Variants in BCR observed in about 807,000 individuals in gnomAD.
The protein encoded by BCR is breakpoint cluster region protein.
In BCR, 58 loss-of-function variants were observed where a neutral mutation model predicts 138.6. The observed-to-expected ratio is 0.42, with a 90% CI of 0.34 to 0.52. BCR has a LOEUF of 0.52. Among genes scored for constraint, BCR ranks in the 20% least tolerant of loss-of-function variants. BCR has a pLI of 0.06. For missense variants in BCR, 1,599 were observed against 1,727.2 expected, an observed-to-expected ratio of 0.93 and a Z score of 1.32; for synonymous variants, 786 against 730.1, an observed-to-expected ratio of 1.08 and a Z score of -1.23.
chr22:23,211,410 G>A (rs945080899), intron 1 of BCR, among the ~76,000 whole-genome samples: 1 of 151,994 alleles, frequency 6.6e-6, no homozygotes, highest in Non-Finnish European at 1.5e-5. Flanking sequence ...GTGTTAGCCA[G>A]GATGGTCTCG....
At chr22:23,236,689 G>T (rs1459267089) in intron 1 of BCR, among the ~76,000 whole-genome samples, 1 of 152,244 alleles carries the variant, frequency 6.6e-6, no homozygotes, top group Non-Finnish European at 1.5e-5. Context: ...CCTGACGTTG[G>T]CCTGGGTGTG....
chr22:23,288,409 C>G (rs564772416), intron 12 of BCR, among the ~76,000 whole-genome samples: 52 of 151,978 alleles, frequency 3.4e-4, no homozygotes, highest in African/African-American at 9.4e-4. Context: ...TCCCCACTGC[C>G]CTGTGATCCC....
At chr22:23,292,460 C>A (rs1434683670) in intron 14 of BCR, 81 bp from the exon 15 acceptor site, 3 of 1,008,798 alleles carry the variant, frequency 3.0e-6, no homozygotes, top group South Asian at 1.5e-5. Flanking sequence ...TCTGATTCTG[C>A]AAATAACACC....
At chr22:23,217,174 G>T (rs2072764412) in intron 1 of BCR, 1 of 271,824 alleles carries the variant, frequency 3.7e-6, no homozygotes, top group Admixed American at 5.1e-5. Context: ...GGTAGAGGAG[G>T]TGAGGTTGTG....
chr22:23,273,215 T>C, intron 7 of BCR, 82 bp downstream of exon 7: 1 of 1,455,600 alleles, frequency 6.9e-7, no homozygotes, highest in Non-Finnish European at 9.4e-7. Flanking sequence ...GACCTTTTTT[T>C]AGTTGTCATA....
At chr22:23,220,095 G>A (rs965197501) in intron 1 of BCR, among the ~76,000 whole-genome samples, 1 of 152,194 alleles carries the variant, frequency 6.6e-6, no homozygotes, top group Admixed American at 6.5e-5. Flanking sequence ...GGCTGTGTGG[G>A]CACGGTTCCC....
chr22:23,254,554 A>C, intron 2 of BCR: 1 of 514,930 alleles, frequency 1.9e-6, no homozygotes, highest in Non-Finnish European at 3.9e-6. Context: ...CCCTCCAAGA[A>C]AGCAGTGGAC....
At chr22:23,185,721 G>GTT (rs369455901) in intron 1 of BCR, among the ~76,000 whole-genome samples, 9 of 148,276 alleles carry the variant, frequency 6.1e-5, no homozygotes, top group African/African-American at 2.0e-4. Flanking sequence ...GGTTCTCTCT[G>GTT]TTTTTTTTGT....
At chr22:23,264,438 G>A (rs2073413323) in intron 4 of BCR, 3 of 683,258 alleles carry the variant, frequency 4.4e-6, no homozygotes, top group Admixed American at 2.1e-5. Flanking sequence ...TGCAGTGATA[G>A]TTCCTCCCCA....
At chr22:23,262,758 G>A (rs1209929254) in intron 4 of BCR, 19 of 925,004 alleles carry the variant, frequency 2.1e-5, no homozygotes, top group Non-Finnish European at 2.3e-5. Flanking sequence ...CTGCAGGAAG[G>A]GAGGGTGACG....
chr22:23,233,802 AAG>A (rs1244289032), intron 1 of BCR, among the ~76,000 whole-genome samples: 12 of 96,714 alleles, frequency 1.2e-4, no homozygotes, highest in Admixed American at 2.1e-4. Flanking sequence ...AAAAAAAAAA[AAG>A]AAAAAAAAGA....
intron 1 of BCR, among the ~76,000 whole-genome samples, chr22:23,215,846 G>A (rs1000129740): frequency 3.7e-4 from 56 of 152,192 alleles, no homozygotes; most frequent in African/African-American, 1.3e-3. Context: ...CAGGGGATGG[G>A]CATGTGTACA....
chr22:23,246,681 C>T (rs2073160739), intron 1 of BCR, among the ~76,000 whole-genome samples: 2 of 152,158 alleles, frequency 1.3e-5, no homozygotes, highest in Admixed American at 6.5e-5. Flanking sequence ...AGTTCATGCC[C>T]ACTCAGGTGC....
chr22:23,308,699 C>T (rs2073974827), intron 16 of BCR, among the ~76,000 whole-genome samples: 1 of 152,202 alleles, frequency 6.6e-6, no homozygotes, highest in Non-Finnish European at 1.5e-5. Context: ...AGAACGTGCT[C>T]CCCATAAAAC....
intron 1 of BCR, among the ~76,000 whole-genome samples, chr22:23,232,344 A>G (rs2146244816): frequency 6.6e-6 from 1 of 152,368 alleles, no homozygotes; most frequent in Non-Finnish European, 1.5e-5. Flanking sequence ...GTAACGTGCT[A>G]AGGTCACCCA....
At chr22:23,290,636 T>A in intron 14 of BCR, 1 of 540,834 alleles carries the variant, frequency 1.8e-6, no homozygotes, top group Non-Finnish European at 3.4e-6. Flanking sequence ...CTGTCTCAGA[T>A]CCTGGGAGCT....
At chr22:23,208,416 G>GT (rs11383542) in intron 1 of BCR, among the ~76,000 whole-genome samples, 78,905 of 150,156 alleles carry the variant, frequency 0.53, 20,797 homozygotes, top group East Asian at 0.67. Context: ...TTGATTTTAT[G>GT]TTTTTTTTTT....
At position 23,312,903 on chromosome 22, in the gene BCR, G is replaced by A. The variant is rs754821205; in HGVS notation, c.3339G>A (p.Ser1113=). Residue 1113 remains serine (S), a synonymous_variant, in exon 20 of 23, where the codon TCG becomes TCA. Coordinates refer to ENST00000305877, the MANE Select transcript of BCR (RefSeq NM_004327.4). ...TCTTTCCAGATAACAAGGACGTGTC[G>A]GTGATGATGAGCGAGATGGACGTGA... ...AAFDVNNKDV[S]VMMSEMDVNA... is the part of the protein sequence containing the mutation. 44 of 1,594,896 alleles carry A rather than the reference G, an allele frequency of 2.8e-5. No homozygotes were observed. The highest frequency in any genetic ancestry group is 2.0e-4 in the Admixed American group (12 of 59,912).
rs756349433 is a variant in BCR at position 23,253,907 on chromosome 22, C to T, written c.1388C>T (p.Ser463Leu). The stretch of plus-strand genomic sequence containing the variant: ...TACATTGATGACTCGCCCTCCTCAT[C>T]GCCCCACCTCAGCAGCAAGGGCAGG... ...LPYIDDSPSS[S>L]PHLSSKGRGS... The change falls in exon 2 of 23, where the codon TCG becomes TTG. Residue 463 changes from serine (S) to leucine (L), a missense_variant. Physicochemically the swap from Ser to Leu is moderately radical, Grantham distance 145. Transcript: ENST00000305877. 2.1e-5 allele frequency: 34 copies of T among 1,613,146 alleles called. No individual in the cohort carries two copies. Among genetic ancestry groups the T allele is most frequent in the Non-Finnish European group, 2.7e-5 (32 of 1,180,006 alleles).
Sources: allele counts gnomAD v4.1 joint callset (sites outside exome capture counted in the v4.1 genomes callset), GRCh38; gene constraint gnomAD v4.1.1; transcripts MANE v1.5; gene names NCBI Gene and HGNC (gene_info 2026-07-23, HGNC 2026-07-21).